Variants in IRAG2 observed in about 807,000 individuals in gnomAD.
IRAG2 encodes the protein inositol 1,4,5-triphosphate receptor associated 2, also known as lymphoid restricted membrane protein.
In IRAG2, 45 loss-of-function variants were observed where a neutral mutation model predicts 69.9. The observed-to-expected ratio is 0.64, with a 90% CI of 0.51 to 0.83. IRAG2 has a LOEUF of 0.83. Among genes scored for constraint, IRAG2 ranks in the 40% least tolerant of loss-of-function variants. The pLI is 0.00. For synonymous variants in IRAG2, 193 were observed against 202.4 expected (o/e 0.95, Z 0.40); for missense variants, 520 against 587.0 (o/e 0.89, Z 1.18).
chr12:25,101,050 A>G, intron 15 of IRAG2, 128 bp from the exon 16 acceptor site: 1 of 644,586 alleles, frequency 1.6e-6, no homozygotes, highest in South Asian at 3.3e-5. Context: ...ATGTCTTTTT[A>G]AAAAAAAAAC....
At chr12:25,069,534 A>G in intron 6 of IRAG2, 103 bp downstream of exon 6, 1 of 1,047,274 alleles carries the variant, frequency 9.5e-7, no homozygotes, top group East Asian at 2.4e-5. Flanking sequence ...TTTAAGTATT[A>G]TGGATATTCT....
At chr12:25,033,590 C>T (rs1329748068) in intron 12 of IRAG2, among the ~76,000 whole-genome samples, 1 of 152,184 alleles carries the variant, frequency 6.6e-6, no homozygotes, top group Non-Finnish European at 1.5e-5. Flanking sequence ...TTTTAAGTGA[C>T]ATTTTCTGAT....
chr12:25,066,572 T>G, intron 5 of IRAG2, 60 bp downstream of exon 5: 1 of 399,926 alleles, frequency 2.5e-6, no homozygotes, highest in Non-Finnish European at 4.4e-6. Flanking sequence ...TCCCATTGCC[T>G]AACATTTTAA....
intron 1 of IRAG2, 70 bp downstream of exon 1, chr12:25,053,026 T>C (rs1944945490): frequency 2.5e-6 from 1 of 397,602 alleles, no homozygotes; most frequent in Admixed American, 4.4e-5. Flanking sequence ...ACTACAGACA[T>C]TTTTCTAGAT....
chr12:25,003,201 T>TA (rs140645138), upstream of IRAG2, among the ~76,000 whole-genome samples: 1 of 151,996 alleles, frequency 6.6e-6, no homozygotes, highest in Non-Finnish European at 1.5e-5. Context: ...ATTAGGGGAT[T>TA]AAAAAAAAGA....
At chr12:25,076,632 T>C in intron 6 of IRAG2, 2 of 981,538 alleles carry the variant, frequency 2.0e-6, no homozygotes, top group Non-Finnish European at 2.4e-6. Context: ...ATACCCATGA[T>C]CTTGACAGGT....
chr12:25,031,723 C>A (rs1028673239), intron 10 of IRAG2, among the ~76,000 whole-genome samples: 1 of 152,022 alleles, frequency 6.6e-6, no homozygotes, highest in African/African-American at 2.4e-5. Flanking sequence ...AGTGCAATGG[C>A]GTGATCTTGG....
At chr12:25,069,908 G>T (rs1012340226) in intron 6 of IRAG2, among the ~76,000 whole-genome samples, 4 of 152,118 alleles carry the variant, frequency 2.6e-5, no homozygotes, top group African/African-American at 9.7e-5. Context: ...AGGTGCTAAT[G>T]CCACTTTTCT....
upstream of IRAG2, among the ~76,000 whole-genome samples, chr12:25,004,056 G>A (rs930601871): frequency 3.3e-5 from 5 of 152,148 alleles, no homozygotes; most frequent in Non-Finnish European, 5.9e-5. Context: ...GTTGTTTTAA[G>A]GATGAAATGA....
At chr12:25,077,377 A>ATATATGATATATATATGAAATT (rs1946890670) in intron 6 of IRAG2, among the ~76,000 whole-genome samples, 1 of 138,080 alleles carries the variant, frequency 7.2e-6, no homozygotes, top group Non-Finnish European at 1.5e-5. Context: ...TATGAAATAT[A>ATATATGATATATATATGAAATT]TATATGATAT....
At chr12:25,067,368 C>G (rs1304311783) in intron 5 of IRAG2, among the ~76,000 whole-genome samples, 2 of 152,190 alleles carry the variant, frequency 1.3e-5, no homozygotes, top group Non-Finnish European at 2.9e-5. Context: ...AATCACTTCT[C>G]CAGCCGACAT....
chr12:25,035,294 A>T (rs1944694502), intron 13 of IRAG2, among the ~76,000 whole-genome samples: 1 of 152,228 alleles, frequency 6.6e-6, no homozygotes, highest in Non-Finnish European at 1.5e-5. Flanking sequence ...AGACAAAAGA[A>T]GCCAACCTGT....
intron 6 of IRAG2, among the ~76,000 whole-genome samples, chr12:25,077,253 G>C (rs542513942): frequency 2.2e-4 from 5 of 22,914 alleles, no homozygotes; most frequent in African/African-American, 4.4e-4. Flanking sequence ...ATATATATAT[G>C]ATATATATAT....
At chr12:25,018,975 A>C (rs1944554592) in intron 6 of IRAG2, among the ~76,000 whole-genome samples, 1 of 152,140 alleles carries the variant, frequency 6.6e-6, no homozygotes, top group East Asian at 1.9e-4. Flanking sequence ...TTCTGTATTA[A>C]CCATTGAGGT....
At chr12:25,099,075 C>T (rs546456882) in intron 15 of IRAG2, among the ~76,000 whole-genome samples, 76 of 152,274 alleles carry the variant, frequency 5.0e-4, no homozygotes, top group African/African-American at 1.8e-3. Context: ...GGACTCCACT[C>T]GTGCACATCT....
At position 25,108,049 on chromosome 12, in the gene IRAG2, C is replaced by G. The variant is rs1565599701; in HGVS notation, c.1489C>G (p.Pro497Ala). The G allele has an allele frequency of 6.2e-7, 1 of 1,613,414 alleles. No individual in the cohort carries two copies. Among genetic ancestry groups the G allele is most frequent in the East Asian group, 2.2e-5 (1 of 44,860 alleles). Reference protein sequence around the residue: ...PFTRLRHNGPPPV With the variant: ...PFTRLRHNGPAPV ...TACCAGACTCCGACACAATGGGCCACCACCAGTGTGACAGCAGGACATCCT... is the reference window on the plus strand; with the variant it reads ...TACCAGACTCCGACACAATGGGCCAGCACCAGTGTGACAGCAGGACATCCT... The change falls in exon 22 of 22, where the codon CCA (proline) becomes GCA (alanine). Residue 497 changes from proline to alanine, a missense_variant. Physicochemically the swap from Pro to Ala is conservative, Grantham distance 27. Coordinates refer to ENST00000556887, the MANE Select transcript of IRAG2 (RefSeq NM_001366544.2).
At chr12:25,062,785 G>A in intron 2 of IRAG2, 35 bp from the exon 3 acceptor site, 1 of 398,840 alleles carries the variant, frequency 2.5e-6, no homozygotes, top group Middle Eastern at 6.3e-4. Context: ...TCATCATTCT[G>A]TCTTTGAATA....
intron 10 of IRAG2, among the ~76,000 whole-genome samples, chr12:25,086,465 G>A (rs1947613365): frequency 6.6e-6 from 1 of 152,180 alleles, no homozygotes; most frequent in South Asian, 2.1e-4. Context: ...ATATACGGCT[G>A]CATACCCATA....
At chr12:25,082,175 AT>A (rs1281716461) in intron 9 of IRAG2, among the ~76,000 whole-genome samples, 44 of 152,290 alleles carry the variant, frequency 2.9e-4, no homozygotes, top group African/African-American at 1.1e-3. Flanking sequence ...ATTTAATAAC[AT>A]TGTGTCTAGG....
Sources: allele counts gnomAD v4.1 joint callset (sites outside exome capture counted in the v4.1 genomes callset), GRCh38; gene constraint gnomAD v4.1.1; transcripts MANE v1.5; gene names NCBI Gene and HGNC (gene_info 2026-07-23, HGNC 2026-07-21).